Variants in UNC13A observed in about 807,000 individuals in gnomAD.
UNC13A encodes the protein protein unc-13 homolog A.
A neutral mutation model predicts 219.7 loss-of-function variants in UNC13A; 61 were observed. The observed-to-expected ratio is 0.28, with a 90% confidence interval of 0.23 to 0.34. The LOEUF is 0.34. UNC13A is among the 10% of genes least tolerant of loss of function. UNC13A has a pLI of 1.00. For missense variants in UNC13A, 1,476 were observed against 2,270.3 expected, an observed-to-expected ratio of 0.65 and a Z score of 7.11; for synonymous variants, 920 against 884.6, an observed-to-expected ratio of 1.04 and a Z score of -0.71.
intron 16 of UNC13A, 100 bp from the exon 17 acceptor site, chr19:17,647,592 A>C: frequency 3.4e-6 from 4 of 1,168,788 alleles, no homozygotes; most frequent in Non-Finnish European, 4.8e-6. Flanking sequence ...GGGGGGACTC[A>C]GGTGTCACCC....
chr19:17,684,282 G>A (rs2080069843), intron 1 of UNC13A, among the ~76,000 whole-genome samples: 1 of 152,032 alleles, frequency 6.6e-6, no homozygotes, highest in South Asian at 2.1e-4. Flanking sequence ...AATGGTGGTG[G>A]TGGAATCAGG....
chr19:17,667,105 G>A (rs2079668584), intron 6 of UNC13A, among the ~76,000 whole-genome samples: 1 of 152,110 alleles, frequency 6.6e-6, no homozygotes, highest in Non-Finnish European at 1.5e-5. Context: ...ACAAAAATTA[G>A]CCAGGTATGG....
At chr19:17,682,783 C>T (rs138525838) in intron 1 of UNC13A, among the ~76,000 whole-genome samples, 1 of 152,304 alleles carries the variant, frequency 6.6e-6, no homozygotes, top group Non-Finnish European at 1.5e-5. Flanking sequence ...GCAATCCTGG[C>T]TGGGCACAGT....
intron 40 of UNC13A, 65 bp from the exon 41 acceptor site, chr19:17,617,914 T>TACCC: frequency 6.3e-7 from 1 of 1,588,460 alleles, no homozygotes; most frequent in Non-Finnish European, 8.6e-7. Flanking sequence ...TAGGGCTGGG[T>TACCC]AGCCCTGCTG....
At chr19:17,672,142 G>T (rs1274900149) in intron 4 of UNC13A, among the ~76,000 whole-genome samples, 8 of 152,096 alleles carry the variant, frequency 5.3e-5, no homozygotes, top group African/African-American at 1.9e-4. Context: ...AAGATGCAAT[G>T]GTGAGCCTAA....
At chr19:17,661,746 T>C (rs571928179) in intron 8 of UNC13A, among the ~76,000 whole-genome samples, 4 of 152,132 alleles carry the variant, frequency 2.6e-5, no homozygotes, top group African/African-American at 9.6e-5. Flanking sequence ...TGGATTTCTC[T>C]AGAAGAGGCG....
chr19:17,619,058 G>A, intron 38 of UNC13A, 96 bp from the exon 39 acceptor site: 1 of 1,184,446 alleles, frequency 8.4e-7, no homozygotes, highest in Non-Finnish European at 1.3e-6. Flanking sequence ...AAGGCTCTGG[G>A]CAGGGCAATA....
chr19:17,612,797 A>T (rs1318253508), intron 41 of UNC13A, among the ~76,000 whole-genome samples: 1 of 152,156 alleles, frequency 6.6e-6, no homozygotes, highest in Non-Finnish European at 1.5e-5. Flanking sequence ...GTGAGACGAG[A>T]TCGCACCACT....
At chr19:17,642,256 C>G (rs1276539445) in intron 20 of UNC13A, among the ~76,000 whole-genome samples, 1 of 152,140 alleles carries the variant, frequency 6.6e-6, no homozygotes, top group Non-Finnish European at 1.5e-5. Flanking sequence ...TTCATCTATA[C>G]TCATCCATCA....
chr19:17,666,797 C>G (rs920510035), intron 6 of UNC13A, 93 bp from the exon 7 acceptor site: 3 of 889,398 alleles, frequency 3.4e-6, no homozygotes, highest in Admixed American at 8.0e-5. Flanking sequence ...ATCCCGACTT[C>G]CCTCTACCTC....
rs754774933 is a variant in UNC13A, at chr19:17,674,616, T to A, written c.152+41A>T. ...CTGAGGGGCCAGCGAGGTGCTGGGC[T>A]ATGCCAGGGAGTGAGGTCATGCCAG... On this transcript the variant is annotated intron_variant, in intron 3 of 43. Transcript: ENST00000519716. The surrounding 1 kb of genome is among the most constrained non-coding windows in gnomAD (Gnocchi z 5.0). 1 of 1,583,036 alleles carries A rather than the reference T, an allele frequency of 6.3e-7. No homozygotes were observed. The highest frequency in any genetic ancestry group is 1.1e-5 in the South Asian group (1 of 90,474).
Position 17,656,418 on chromosome 19 carries a change from T to C in UNC13A, c.768-20A>G, listed in dbSNP as rs1274699281. The C allele has an allele frequency of 6.7e-7, 1 of 1,489,994 alleles. No homozygotes were observed. The highest frequency in any genetic ancestry group is 1.4e-5 in the African/African-American group (1 of 71,972). 92.3% of individuals were successfully genotyped at this position (1,489,994 alleles called of 1,614,324 possible). On this transcript the variant is annotated intron_variant, in intron 9 of 43. Coordinates refer to ENST00000519716, the MANE Select transcript of UNC13A (RefSeq NM_001080421.3). ...GTGGGGCTGTGGGGATGGAACAGGG[T>C]TCAGGGACTGGGGTACCGAGTCACT...
Position 17,611,814 on chromosome 19 carries a change from C to T in UNC13A, c.4600G>A (p.Val1534Ile), listed in dbSNP as rs1415300147. ...GTTCCTGGATGAGTGAACAGCTCAA[C>T]ATGGACAGAGACTTCACCCACAGGG... ...EDPVGEVSVH[V>I]ELFTHPGTGE... Residue 1534 changes from valine (V) to isoleucine (I), a missense_variant, in exon 42 of 44, where the codon GTT (valine) becomes ATT (isoleucine). Coordinates refer to ENST00000519716, the MANE Select transcript of UNC13A (RefSeq NM_001080421.3). The T allele has an allele frequency of 1.2e-6, 2 of 1,614,082 alleles. No individual in the cohort carries two copies. The highest frequency in any genetic ancestry group is 1.7e-6 in the Non-Finnish European group (2 of 1,180,012).
At chr19:17,621,502 G>C (rs1387726266) in intron 37 of UNC13A, among the ~76,000 whole-genome samples, 2 of 152,150 alleles carry the variant, frequency 1.3e-5, no homozygotes, top group African/African-American at 4.8e-5. Context: ...TCTCAGTCCA[G>C]GGTGGTGATC....
chr19:17,647,582 G>C lies in UNC13A; in HGVS notation c.1817-90C>G, dbSNP rs1046759226. 4.6e-6 allele frequency: 6 copies of C among 1,307,016 alleles called. No individual in the cohort carries two copies. The Admixed American group carries it at 1.0e-4, about 22-fold the overall frequency. The allele number at this position is 1,307,016 out of a possible 1,614,324, so 81.0% of individuals were successfully genotyped here. On this transcript the variant is annotated intron_variant, in intron 16 of 43. Transcript: ENST00000519716. Reference sequence around the variant, plus strand: ...AGAGCCCCGCCCCTACTCATCAACCGGGGGGACTCAGGTGTCACCCCCTGA... The same window carrying C: ...AGAGCCCCGCCCCTACTCATCAACCCGGGGGACTCAGGTGTCACCCCCTGA...
At chr19:17,681,083 T>G (rs1280570195) in intron 1 of UNC13A, among the ~76,000 whole-genome samples, 2 of 143,284 alleles carry the variant, frequency 1.4e-5, no homozygotes, top group Admixed American at 7.0e-5. Flanking sequence ...TTTTTTTTTT[T>G]TTTTTTTGTA....
chr19:17,667,006 C>T (rs552396115), intron 6 of UNC13A, among the ~76,000 whole-genome samples: 55 of 152,196 alleles, frequency 3.6e-4, no homozygotes, highest in African/African-American at 1.3e-3. Context: ...GTAATCCCAG[C>T]ACTTTGGGAG....
intron 1 of UNC13A, among the ~76,000 whole-genome samples, chr19:17,685,965 A>C (rs1599426290): frequency 1.4e-5 from 2 of 142,138 alleles, no homozygotes; most frequent in East Asian, 2.1e-4. Context: ...GCACCATCCC[A>C]CCTCTCCCTG....
intron 43 of UNC13A, among the ~76,000 whole-genome samples, chr19:17,608,095 G>A (rs1409963235): frequency 6.7e-6 from 1 of 149,152 alleles, no homozygotes; most frequent in African/African-American, 2.5e-5. Context: ...AGCCCAGGCT[G>A]GACTGCAGTA....
Sources: allele counts gnomAD v4.1 joint callset (sites outside exome capture counted in the v4.1 genomes callset), GRCh38; gene constraint gnomAD v4.1.1; non-coding constraint Gnocchi (gnomAD v3.1); transcripts MANE v1.5; gene names NCBI Gene and HGNC (gene_info 2026-07-23, HGNC 2026-07-21).